TLL1: variants seen among roughly 807,000 people sequenced by gnomAD.
TLL1 encodes tolloid like 1.
In TLL1, 49 loss-of-function variants were observed where a neutral mutation model predicts 128.2. The ratio of observed to expected loss-of-function variants is 0.38; its 90% CI spans 0.30 to 0.48. The LOEUF is 0.48. Ranked by LOEUF, TLL1 falls within the 20% of genes least tolerant of loss-of-function variation. The pLI, the probability that TLL1 is intolerant of heterozygous loss-of-function variation, is 0.96. For synonymous variants in TLL1, 454 were observed against 418.8 expected (o/e 1.08, Z -1.03); for missense variants, 1,123 against 1,242.0 (o/e 0.90, Z 1.44).
In TLL1 at chr4:166,055,125, G is replaced by C; in HGVS notation, c.1574G>C (p.Gly525Ala). 2 of 1,613,068 alleles carry C rather than the reference G, an allele frequency of 1.2e-6. No individual in the cohort carries two copies. Residue 525 changes from glycine to alanine, a missense_variant, in exon 13 of 21, where the codon GGA becomes GCA. Gly to Ala is a moderately conservative substitution (Grantham distance 60). Coordinates refer to ENST00000061240, the MANE Select transcript of TLL1 (RefSeq NM_012464.5). ...CAYDYLEVRD[G>A]TSENSPLIGR... ...TATGACTACCTGGAAGTTAGAGATG[G>C]AACCAGTGAAAATAGCCCTTTGATA...
At chr4:166,072,956 C>T (rs547753623) in intron 16 of TLL1, among the ~76,000 whole-genome samples, 27 of 152,228 alleles carry the variant, frequency 1.8e-4, no homozygotes, top group African/African-American at 5.5e-4. Flanking sequence ...TTCCAAGCTA[C>T]TCTCAAAAGC....
intron 11 of TLL1, among the ~76,000 whole-genome samples, chr4:166,042,462 G>T (rs1739282483): frequency 6.6e-6 from 1 of 152,060 alleles, no homozygotes; most frequent in Non-Finnish European, 1.5e-5. Flanking sequence ...ATTTTCCTTT[G>T]TACTGATTTT....
intron 1 of TLL1, among the ~76,000 whole-genome samples, chr4:165,983,127 C>A (rs185922504): frequency 6.6e-6 from 1 of 151,748 alleles, no homozygotes; most frequent in Non-Finnish European, 1.5e-5. Flanking sequence ...TTTACTTTTA[C>A]GTTTCTGGAT....
chr4:165,986,939 CAAAG>C (rs1374952733), intron 1 of TLL1, among the ~76,000 whole-genome samples: 1 of 152,052 alleles, frequency 6.6e-6, no homozygotes, highest in East Asian at 1.9e-4. Context: ...CCATCTGACT[CAAAG>C]AAGAGTGGGA....
chr4:165,997,033 T>A (rs147495163), intron 5 of TLL1, among the ~76,000 whole-genome samples: 71 of 152,204 alleles, frequency 4.7e-4, no homozygotes, highest in Non-Finnish European at 4.9e-4. Context: ...GTGTTTTTGG[T>A]GCTAGGAAGG....
intron 15 of TLL1, among the ~76,000 whole-genome samples, chr4:166,062,581 T>C (rs1389601225): frequency 6.6e-6 from 1 of 152,216 alleles, no homozygotes; most frequent in Admixed American, 6.5e-5. Flanking sequence ...ATTCTGAGAC[T>C]TTGCTGAAGT....
intron 17 of TLL1, among the ~76,000 whole-genome samples, chr4:166,077,289 G>A (rs1741078398): frequency 6.6e-6 from 1 of 150,944 alleles, no homozygotes; most frequent in African/African-American, 2.4e-5. Flanking sequence ...TTTGAAGTTG[G>A]TTCAGAAGCA....
At chr4:166,097,030 T>C (rs1402162232) in intron 19 of TLL1, among the ~76,000 whole-genome samples, 2 of 152,132 alleles carry the variant, frequency 1.3e-5, no homozygotes, top group Non-Finnish European at 2.9e-5. Context: ...TGGGTTTTAC[T>C]ATGCCAGGCA....
At chr4:166,087,558 C>T (rs186577755) in intron 18 of TLL1, among the ~76,000 whole-genome samples, 31 of 152,278 alleles carry the variant, frequency 2.0e-4, no homozygotes, top group Admixed American at 1.4e-3. Context: ...CTTACAGTTG[C>T]TCAAATTGCA....
chr4:165,964,055 A>G (rs1561059089), intron 1 of TLL1, among the ~76,000 whole-genome samples: 1 of 152,202 alleles, frequency 6.6e-6, no homozygotes, highest in Admixed American at 6.5e-5. Flanking sequence ...TCTCATTAAA[A>G]TTTTACTACC....
At chr4:165,995,211 A>G (rs1165901616) in intron 5 of TLL1, 33 bp downstream of exon 5, 5 of 1,329,912 alleles carry the variant, frequency 3.8e-6, no homozygotes, top group Admixed American at 1.8e-5. Context: ...TGACTTAAGG[A>G]AAAAAAAAAT....
intron 16 of TLL1, 111 bp downstream of exon 16, chr4:166,065,974 A>G (rs1194972010): frequency 6.8e-6 from 6 of 881,816 alleles, no homozygotes; most frequent in Non-Finnish European, 1.0e-5. Flanking sequence ...CTTGAAGATA[A>G]GTAGGCCTTA....
At chr4:166,005,366 A>C (rs1280200817) in intron 6 of TLL1, among the ~76,000 whole-genome samples, 1 of 151,978 alleles carries the variant, frequency 6.6e-6, no homozygotes, top group Non-Finnish European at 1.5e-5. Context: ...AACTGGATGG[A>C]GAATAGAAAA....
chr4:166,057,378 T>C, intron 14 of TLL1, 69 bp downstream of exon 14: 1 of 1,559,952 alleles, frequency 6.4e-7, no homozygotes, highest in South Asian at 1.1e-5. Flanking sequence ...TCATTCTCTG[T>C]CTGTCTTCCT....
intron 8 of TLL1, among the ~76,000 whole-genome samples, chr4:166,016,741 G>C (rs1021138560): frequency 6.6e-6 from 1 of 151,792 alleles, no homozygotes; most frequent in Non-Finnish European, 1.5e-5. Flanking sequence ...GCAAATTACT[G>C]TATTACAGCT....
Position 166,050,352 on chromosome 4 carries a change from C to A in TLL1, c.1525-4724C>A, listed in dbSNP as rs1739654005. ...ATTTATCCATTCATCTATCAATGAA[C>A]CTGTGGATTGCTTCCACTTTTTGGC... On this transcript the variant is annotated intron_variant, in intron 12 of 20. Transcript: ENST00000061240. 3.9e-5 allele frequency among the ~76,000 whole-genome samples: 6 copies of A among 152,140 alleles called. No homozygotes were observed. The South Asian group carries it at 1.2e-3, about 32-fold the overall frequency.
intron 9 of TLL1, among the ~76,000 whole-genome samples, chr4:166,028,258 C>T (rs1346444084): frequency 1.3e-5 from 2 of 152,028 alleles, no homozygotes; most frequent in African/African-American, 4.8e-5. Context: ...TGTTTCAATT[C>T]TACTTTTTTC....
At chr4:165,907,701 A>C (rs1732330905) in intron 1 of TLL1, among the ~76,000 whole-genome samples, 1 of 152,012 alleles carries the variant, frequency 6.6e-6, no homozygotes, top group Admixed American at 6.6e-5. Flanking sequence ...GGCACGCAAC[A>C]CCACGCCCGT....
chr4:165,992,718 A>C, intron 2 of TLL1, 86 bp from the exon 3 acceptor site: 1 of 1,224,762 alleles, frequency 8.2e-7, no homozygotes, highest in South Asian at 1.2e-5. Flanking sequence ...ATGACCAAAG[A>C]GAAATCATTG....
Sources: gnomAD v4.1 joint callset for allele counts (sites outside exome capture counted in the v4.1 genomes callset) on GRCh38, gnomAD v4.1.1 for gene constraint, MANE v1.5 for transcripts, NCBI Gene and HGNC (gene_info 2026-07-23, HGNC 2026-07-21) for gene names.